The following SH3GL2 variants were observed in gnomAD, a reference collection of about 807,000 sequenced individuals.
SH3GL2 encodes endophilin-A1.
A neutral mutation model predicts 46.0 loss-of-function variants in SH3GL2; 24 were observed. That is an observed-to-expected ratio of 0.52 (90% CI 0.38 to 0.73). The LOEUF (loss-of-function observed/expected upper bound fraction) is 0.73, where lower values mean the gene tolerates loss of function less well. SH3GL2 is among the 30% of genes least tolerant of loss of function. The pLI is 0.00. For synonymous variants in SH3GL2, 196 were observed against 147.1 expected (o/e 1.33, Z -2.40); for missense variants, 413 against 424.2 (o/e 0.97, Z 0.23).
intron 1 of SH3GL2, among the ~76,000 whole-genome samples, chr9:17,716,772 C>T (rs1391787898): frequency 1.3e-5 from 2 of 152,110 alleles, no homozygotes; most frequent in South Asian, 4.1e-4. Flanking sequence ...TCACTCCATT[C>T]GCCTATGTTC....
At chr9:17,677,801 C>G (rs1384894853) in intron 1 of SH3GL2, among the ~76,000 whole-genome samples, 1 of 151,810 alleles carries the variant, frequency 6.6e-6, no homozygotes, top group East Asian at 1.9e-4. Flanking sequence ...CACAACAGGC[C>G]CCCGTGTGTG....
intron 1 of SH3GL2, among the ~76,000 whole-genome samples, chr9:17,717,956 CAG>C (rs1429577152): frequency 6.6e-6 from 1 of 152,052 alleles, no homozygotes; most frequent in Non-Finnish European, 1.5e-5. Flanking sequence ...TGTGTGCCAA[CAG>C]GGGGTGGAAA....
chr9:17,785,572 C>T (rs1166445497), intron 3 of SH3GL2, among the ~76,000 whole-genome samples: 1 of 152,132 alleles, frequency 6.6e-6, no homozygotes, highest in Non-Finnish European at 1.5e-5. Context: ...AATGTGTAAT[C>T]CCAACTCTAA....
intron 3 of SH3GL2, among the ~76,000 whole-genome samples, chr9:17,766,358 T>A (rs911723989): frequency 6.6e-6 from 1 of 152,206 alleles, no homozygotes. Context: ...AAGATATAAT[T>A]TGAATATAGA....
At chr9:17,715,113 T>C (rs1486388893) in intron 1 of SH3GL2, among the ~76,000 whole-genome samples, 1 of 151,794 alleles carries the variant, frequency 6.6e-6, no homozygotes, top group South Asian at 2.1e-4. Flanking sequence ...GTATATAATA[T>C]GTCTTTTTTT....
At chr9:17,766,838 C>T (rs1202081453) in intron 3 of SH3GL2, among the ~76,000 whole-genome samples, 1 of 152,052 alleles carries the variant, frequency 6.6e-6, no homozygotes, top group Non-Finnish European at 1.5e-5. Flanking sequence ...ATATATGTTT[C>T]ATGTTTACCT....
chr9:17,586,961 C>G (rs1289768177), intron 1 of SH3GL2, among the ~76,000 whole-genome samples: 6 of 152,270 alleles, frequency 3.9e-5, no homozygotes, highest in East Asian at 1.9e-4. Flanking sequence ...AATCCCAGCA[C>G]TTTGGGAGGT....
intron 1 of SH3GL2, among the ~76,000 whole-genome samples, chr9:17,581,990 G>A (rs529620486): frequency 1.3e-4 from 20 of 152,288 alleles, no homozygotes; most frequent in African/African-American, 4.8e-4. Context: ...TATAGCCTGG[G>A]TTTATAAGTG....
intron 1 of SH3GL2, among the ~76,000 whole-genome samples, chr9:17,670,403 C>A (rs1820444372): frequency 6.6e-6 from 1 of 152,170 alleles, no homozygotes; most frequent in Non-Finnish European, 1.5e-5. Context: ...TTTTCTACCT[C>A]CTGTATCATG....
chr9:17,770,472 T>G (rs190759340), intron 3 of SH3GL2, among the ~76,000 whole-genome samples: 23 of 152,294 alleles, frequency 1.5e-4, no homozygotes, highest in African/African-American at 5.3e-4. Context: ...TAGGGTGACT[T>G]GTACAGGTTC....
intron 1 of SH3GL2, among the ~76,000 whole-genome samples, chr9:17,718,918 G>A (rs1295467236): frequency 1.3e-5 from 2 of 152,070 alleles, no homozygotes; most frequent in African/African-American, 2.4e-5. Flanking sequence ...TTCTTCTTCT[G>A]CGTGTGACCT....
intron 1 of SH3GL2, among the ~76,000 whole-genome samples, chr9:17,662,970 T>G (rs1036469673): frequency 6.6e-6 from 1 of 152,198 alleles, no homozygotes; most frequent in Admixed American, 6.5e-5. Context: ...CCCAAAGTGC[T>G]GGGATTAGAG....
intron 1 of SH3GL2, among the ~76,000 whole-genome samples, chr9:17,624,202 G>A (rs1454339614): frequency 6.6e-6 from 1 of 152,210 alleles, no homozygotes; most frequent in East Asian, 1.9e-4. Context: ...TTGCCAGGAT[G>A]TCCAACCTGC....
At chr9:17,688,266 A>G (rs1244822178) in intron 1 of SH3GL2, among the ~76,000 whole-genome samples, 1 of 152,036 alleles carries the variant, frequency 6.6e-6, no homozygotes, top group Admixed American at 6.6e-5. Context: ...ATTTTCAACC[A>G]CTGGAATTGC....
At chr9:17,610,643 T>G (rs1445693159) in intron 1 of SH3GL2, among the ~76,000 whole-genome samples, 1 of 152,204 alleles carries the variant, frequency 6.6e-6, no homozygotes, top group African/African-American at 2.4e-5. Context: ...AGTGTTGAAT[T>G]TTTTTCATTT....
At chr9:17,629,572 T>C (rs939371764) in intron 1 of SH3GL2, among the ~76,000 whole-genome samples, 7 of 152,226 alleles carry the variant, frequency 4.6e-5, no homozygotes, top group African/African-American at 1.7e-4. Context: ...TGGTTGTACA[T>C]AAGTGTTTTC....
chr9:17,594,052 T>C (rs1197189066), intron 1 of SH3GL2, among the ~76,000 whole-genome samples: 1 of 152,214 alleles, frequency 6.6e-6, no homozygotes, highest in African/African-American at 2.4e-5. Flanking sequence ...CATTATCTAC[T>C]GTGGCTATAG....
intron 1 of SH3GL2, among the ~76,000 whole-genome samples, chr9:17,602,069 C>T (rs926719291): frequency 7.9e-5 from 12 of 152,164 alleles, no homozygotes; most frequent in African/African-American, 2.9e-4. Context: ...CTCCCACCTT[C>T]TGAAAACCAC....
chr9:17,695,836 G>A (rs1000840845), intron 1 of SH3GL2, among the ~76,000 whole-genome samples: 1 of 150,336 alleles, frequency 6.7e-6, no homozygotes, highest in African/African-American at 2.5e-5. Context: ...TTGGAGGATG[G>A]TATTTTATCT....
Sources: allele counts gnomAD v4.1 joint callset (sites outside exome capture counted in the v4.1 genomes callset), GRCh38; gene constraint gnomAD v4.1.1; transcripts MANE v1.5; gene names NCBI Gene and HGNC (gene_info 2026-07-23, HGNC 2026-07-21).